The following OLFM1 variants were observed in gnomAD, a reference collection of about 807,000 sequenced individuals.
The protein encoded by OLFM1 is olfactomedin 1, also known as noelin.
In OLFM1, 9 loss-of-function variants were observed where a neutral mutation model predicts 49.7. The observed-to-expected ratio is 0.18, with a 90% CI of 0.11 to 0.32. OLFM1 has a LOEUF of 0.32. Among genes scored for constraint, OLFM1 ranks in the 10% least tolerant of loss-of-function variants. The pLI is 1.00. For synonymous variants in OLFM1, 240 were observed against 271.8 expected, an observed-to-expected ratio of 0.88 and a Z score of 1.15; for missense variants, 369 against 661.8, an observed-to-expected ratio of 0.56 and a Z score of 4.85.
At chr9:135,087,464 G>T (rs760790688), upstream of OLFM1, 10 of 1,532,804 alleles carry the variant, frequency 6.5e-6, no homozygotes, top group South Asian at 9.8e-5. Context: ...TCTGGGGGTG[G>T]TGGTGTGTCC....
chr9:135,093,841 A>G (rs1397085948), intron 2 of OLFM1, among the ~76,000 whole-genome samples: 1 of 152,262 alleles, frequency 6.6e-6, no homozygotes, highest in African/African-American at 2.4e-5. Flanking sequence ...TGCCTTGTCC[A>G]TGGCCAGAAA....
Position 135,077,090 on chromosome 9 carries a change from G to A in OLFM1, c.96+1288G>A. On this transcript the variant is annotated intron_variant, in intron 1 of 5. Transcript: ENST00000252854. ...CTAGGAGAGGTTTTCTTGGCCCCAG[G>A]AAGGCCTGGTGGAGGGTGGTGGTTG... is the stretch of plus-strand genomic sequence containing the variant. 3 of 1,550,480 alleles carry A rather than the reference G, an allele frequency of 1.9e-6. No individual in the cohort carries two copies. In the South Asian group the frequency reaches 3.6e-5, roughly 18 times the overall value.
chr9:135,095,604 C>T (rs1830779233), intron 2 of OLFM1, among the ~76,000 whole-genome samples: 1 of 151,730 alleles, frequency 6.6e-6, no homozygotes, highest in Non-Finnish European at 1.5e-5. Flanking sequence ...ACTTGAGTCT[C>T]CTACACCCCT....
Position 135,087,703 on chromosome 9 carries a change from G to A in OLFM1, c.-287G>A, listed in dbSNP as rs1349695342. ...GGCGCTTCCCGGTGGCGGCGGAGGA[G>A]CCCGGAGGGACGCAGCCGGGCAAGG... On this transcript the variant is annotated 5_prime_UTR_variant, in exon 1 of 6. Transcript: ENST00000371793. 9.9e-6 allele frequency: 4 copies of A among 405,910 alleles called. No homozygotes were observed. The highest frequency in any genetic ancestry group is 1.0e-4 in the South Asian group (1 of 9,912). 25.1% of individuals were successfully genotyped at this position (405,910 alleles called of 1,614,324 possible). A position where few individuals can be genotyped will look rare whatever the true frequency, so the allele number is the denominator to read the frequency against.
Position 135,091,791 on chromosome 9 carries a change from TCA to T in OLFM1, c.300+1452_300+1453del, listed in dbSNP as rs556218990. ...CAGTCACACACACACTCACACATAGTCACACAGTCACACACACTCACATAGTC... is the reference window on the plus strand; with the variant it reads ...CAGTCACACACACACTCACACATAGTCACAGTCACACACACTCACATAGTC... On this transcript the variant is annotated intron_variant, in intron 2 of 5. Transcript: ENST00000371793. Among the ~76,000 whole-genome samples, 27 of 84,818 alleles carry T rather than the reference TCA, an allele frequency of 3.2e-4. No homozygotes were observed. In the South Asian group the frequency reaches 8.4e-3, roughly 26 times the overall value. 55.6% of individuals were successfully genotyped at this position (84,818 alleles called of 152,430 possible). A position where few individuals can be genotyped will look rare whatever the true frequency, so the allele number is the denominator to read the frequency against.
In OLFM1 at chr9:135,120,425, C is replaced by G; in HGVS notation, c.*247C>G. 1.8e-6 allele frequency: 1 copy of G among 551,684 alleles called. No homozygotes were observed. Among genetic ancestry groups the G allele is most frequent in the East Asian group, 3.1e-5 (1 of 32,300 alleles). The allele number at this position is 551,684 out of a possible 1,614,324, so 34.2% of individuals were successfully genotyped here. A position where few individuals can be genotyped will look rare whatever the true frequency, so the allele number is the denominator to read the frequency against. ...CAGCCCACGGCGCCCCGGTTTTCCT[C>G]CCCGCCCTGTCCCTCTCTGGTCAAA... On this transcript the variant is annotated 3_prime_UTR_variant, in exon 6 of 6. Coordinates refer to ENST00000371793, the MANE Select transcript of OLFM1 (RefSeq NM_001282611.2).
chr9:135,105,200 C>T (rs910525052), intron 4 of OLFM1, among the ~76,000 whole-genome samples: 3 of 152,196 alleles, frequency 2.0e-5, no homozygotes, highest in South Asian at 2.1e-4. Flanking sequence ...GAACTACGCA[C>T]GGAGGAGGAA....
At position 135,087,751 on chromosome 9, in the gene OLFM1, G is replaced by T. The variant is rs921588522; in HGVS notation, c.-239G>T. The T allele has an allele frequency of 2.0e-5, 9 of 440,016 alleles. No homozygotes were observed. The highest frequency in any genetic ancestry group is 2.7e-5 in the Non-Finnish European group (9 of 333,708). 27.3% of individuals were successfully genotyped at this position (440,016 alleles called of 1,614,324 possible). ...AGGCAGGGCGCAGGGCGGGCGGCGC[G>T]AGGCGCAGGGCGCGGCGGGCAGAGG... On this transcript the variant is annotated 5_prime_UTR_variant, in exon 1 of 6. Transcript: ENST00000371793.
In OLFM1 at chr9:135,091,879, ACACACACTCACACATAGT is replaced by A. The variant is rs1446764080; in HGVS notation, c.300+1543_300+1560del. ...GTCACACACACTCACACACAGTCACACACACACTCACACATAGTCACACACACACACACATAGTCACAC... is the reference window on the plus strand; with the variant it reads ...GTCACACACACTCACACACAGTCACACACACACACACACACATAGTCACAC... On this transcript the variant is annotated intron_variant, in intron 2 of 5. Coordinates refer to ENST00000371793, the MANE Select transcript of OLFM1 (RefSeq NM_001282611.2). Among the ~76,000 whole-genome samples the A allele has an allele frequency of 7.0e-3, 702 of 100,726 alleles. 4 individuals are homozygous for A. The highest frequency in any genetic ancestry group is 0.042 in the Middle Eastern group (9 of 216). 66.1% of individuals were successfully genotyped at this position (100,726 alleles called of 152,430 possible).
chr9:135,085,231 C>T (rs142740314), upstream of OLFM1, among the ~76,000 whole-genome samples: 788 of 152,288 alleles, frequency 5.2e-3, 5 homozygotes, highest in African/African-American at 0.018. Flanking sequence ...GTCCTTCCCA[C>T]GAGCGTGGAA....
intron 2 of OLFM1, among the ~76,000 whole-genome samples, chr9:135,093,215 A>C (rs1830739323): frequency 6.6e-6 from 1 of 152,208 alleles, no homozygotes; most frequent in Admixed American, 6.5e-5. Flanking sequence ...AAGCCTCACC[A>C]GGTAGTTCCA....
chr9:135,078,482 C>A lies in OLFM1; in HGVS notation c.96+2680C>A, dbSNP rs534485130. Among the ~76,000 whole-genome samples the A allele has an allele frequency of 1.9e-4, 29 of 152,340 alleles. 3 individuals are homozygous for A. The highest frequency in any genetic ancestry group is 7.0e-4 in the African/African-American group (29 of 41,584). ...GACAGCTTACTTACGATGAGACACT[C>A]AATCAAACACCAACCGTTGATGGAT... On this transcript the variant is annotated intron_variant, in intron 1 of 5. Coordinates refer to the OLFM1 transcript ENST00000252854.
intron 1 of OLFM1, among the ~76,000 whole-genome samples, chr9:135,079,221 G>A (rs549838303): frequency 6.6e-6 from 1 of 152,160 alleles, no homozygotes; most frequent in East Asian, 1.9e-4. Context: ...GGTAGGAGTT[G>A]GGGAGTGAGT....
chr9:135,086,409 G>A (rs1014647832), upstream of OLFM1: 6 of 359,286 alleles, frequency 1.7e-5, no homozygotes, highest in Non-Finnish European at 3.3e-5. Context: ...TTCAGCCGAG[G>A]ACTGCGCACA....
chr9:135,114,861 A>T (rs10117901), intron 5 of OLFM1, among the ~76,000 whole-genome samples: 1 of 151,908 alleles, frequency 6.6e-6, no homozygotes, highest in African/African-American at 2.4e-5. Flanking sequence ...GGAATGAGGC[A>T]GCGGGAACCA....
chr9:135,091,779 A>T (rs1015209157), intron 2 of OLFM1, among the ~76,000 whole-genome samples: 2 of 148,736 alleles, frequency 1.3e-5, no homozygotes, highest in South Asian at 2.2e-4. Flanking sequence ...TCACACACAC[A>T]CTCACACATA....
At chr9:135,095,841 T>G in intron 2 of OLFM1, 23 bp from the exon 3 acceptor site, 3 of 1,611,090 alleles carry the variant, frequency 1.9e-6, no homozygotes, top group Non-Finnish European at 2.5e-6. Flanking sequence ...GCTGTTTTGC[T>G]GAACCTGTTG....
chr9:135,076,111 T>A (rs1198813944), intron 1 of OLFM1: 2 of 1,538,974 alleles, frequency 1.3e-6, no homozygotes, highest in Non-Finnish European at 8.8e-7. Context: ...CACGAGGGGG[T>A]CTTTGGCTGC....
chr9:135,076,612 T>C, intron 1 of OLFM1: 1 of 1,080,374 alleles, frequency 9.3e-7, no homozygotes. Flanking sequence ...CGGAAGAGCC[T>C]GCCAGCCGAG....
Sources: gnomAD v4.1 joint callset for allele counts (sites outside exome capture counted in the v4.1 genomes callset) on GRCh38, gnomAD v4.1.1 for gene constraint, MANE v1.5 for transcripts, NCBI Gene and HGNC (gene_info 2026-07-23, HGNC 2026-07-21) for gene names.